Variants in RNF4 observed in about 807,000 individuals in gnomAD.
RNF4 encodes the protein ring finger protein 4, also known as E3 ubiquitin-protein ligase RNF4.
In RNF4, 7 loss-of-function variants were observed where a neutral mutation model predicts 24.3. The ratio of observed to expected loss-of-function variants is 0.29; its 90% CI spans 0.16 to 0.54. RNF4 has a LOEUF of 0.54. RNF4 is among the 20% of genes least tolerant of loss of function. The probability of loss-of-function intolerance (pLI) is 0.95; values close to 1 mark genes in which losing one functional copy is unlikely to be tolerated. For synonymous variants in RNF4, 83 were observed against 84.3 expected (o/e 0.98, Z 0.09); for missense variants, 209 against 248.5 (o/e 0.84, Z 1.07).
intron 2 of RNF4, among the ~76,000 whole-genome samples, chr4:2,495,638 T>TGGG (rs1209395869): frequency 1.5e-4 from 11 of 71,794 alleles, no homozygotes; most frequent in African/African-American, 2.8e-4. Flanking sequence ...TCTTTTTTTT[T>TGGG]TGGGGGGGGG....
At chr4:2,498,166 G>C (rs191669470) in intron 3 of RNF4, among the ~76,000 whole-genome samples, 2 of 152,210 alleles carry the variant, frequency 1.3e-5, no homozygotes, top group Non-Finnish European at 2.9e-5. Context: ...ACTTAGGGCT[G>C]CCCATTAGAG....
chr4:2,495,681 G>A (rs1014547206), intron 2 of RNF4, among the ~76,000 whole-genome samples: 1 of 151,554 alleles, frequency 6.6e-6, no homozygotes. Flanking sequence ...TGCCCAGGCT[G>A]GAGTGCAATG....
chr4:2,480,901 T>C (rs1309851020), intron 1 of RNF4: 2 of 152,154 alleles, frequency 1.3e-5, no homozygotes, highest in Non-Finnish European at 2.9e-5. Flanking sequence ...GTTTGAAGTG[T>C]TTGTTTGGAA....
chr4:2,500,166 A>C (rs1735866606), intron 3 of RNF4, among the ~76,000 whole-genome samples: 1 of 151,792 alleles, frequency 6.6e-6, no homozygotes, highest in Non-Finnish European at 1.5e-5. Context: ...CAAAAAAAAA[A>C]AAAAAAAAAA....
chr4:2,498,945 C>A (rs572657700), intron 3 of RNF4, among the ~76,000 whole-genome samples: 1 of 151,890 alleles, frequency 6.6e-6, no homozygotes, highest in East Asian at 2.0e-4. Context: ...TCCTATAATC[C>A]CAGCACTTTG....
Position 2,512,078 on chromosome 4 carries a change from G to A in RNF4, c.214+113G>A, listed in dbSNP as rs1182546251. The stretch of plus-strand genomic sequence containing the variant: ...TCCCCAAGGGCTTGGAGCGCTCCAA[G>A]CAGGAAGATGCCTTCGCAGATGCTG... On this transcript the variant is annotated intron_variant, in intron 5 of 7. Transcript: ENST00000314289. The surrounding 1 kb of genome is among the most constrained non-coding windows in gnomAD (Gnocchi z 4.1). 1.3e-5 allele frequency: 12 copies of A among 946,322 alleles called. No homozygotes were observed. Among genetic ancestry groups the A allele is most frequent in the Non-Finnish European group, 1.8e-5 (11 of 617,806 alleles). The allele number at this position is 946,322 out of a possible 1,614,324, so 58.6% of individuals were successfully genotyped here.
intron 1 of RNF4, among the ~76,000 whole-genome samples, chr4:2,479,418 A>G (rs540001957): frequency 1.3e-5 from 2 of 152,288 alleles, no homozygotes; most frequent in East Asian, 3.9e-4. Flanking sequence ...TCCCCCACCC[A>G]GATCTCATCT....
chr4:2,489,666 C>T (rs1735521971), intron 1 of RNF4: 1 of 152,306 alleles, frequency 6.6e-6, no homozygotes, highest in African/African-American at 2.4e-5. Flanking sequence ...TCTCTCAACC[C>T]TCAGGCTTGC....
rs1736296062 is a variant in RNF4 at position 2,512,472 on chromosome 4, G to A, written c.249G>A (p.Leu83=). Residue 83 remains leucine, a synonymous_variant, in exon 6 of 8, where the codon CTG becomes CTA. Transcript: ENST00000314289. This position sits in a 1 kb window ranked among gnomAD's most constrained non-coding sequence, Gnocchi z 4.1. ...GACCAAGGAGGAATGCTAGGAGGCT[G>A]CCCCAGGACCATGCTGACAGCTGTG... ...RRRPRRNARR[L]PQDHADSCVV... is the part of the protein sequence containing the mutation. 2 of 1,613,324 alleles carry A rather than the reference G, an allele frequency of 1.2e-6. No homozygotes were observed. The highest frequency in any genetic ancestry group is 2.7e-5 in the African/African-American group (2 of 74,914).
chr4:2,505,776 C>T (rs1411635677), intron 4 of RNF4: 4 of 115,762 alleles, frequency 3.5e-5, no homozygotes, highest in Non-Finnish European at 6.5e-5. Context: ...CACTGTCACT[C>T]AGGCTAGAAT....
At chr4:2,493,692 C>T (rs1578512406) in intron 2 of RNF4, among the ~76,000 whole-genome samples, 1 of 137,476 alleles carries the variant, frequency 7.3e-6, no homozygotes, top group Non-Finnish European at 1.5e-5. Flanking sequence ...TGTGGTGAGC[C>T]GAGATCATTC....
At chr4:2,504,202 T>C (rs1396049705) in intron 4 of RNF4, among the ~76,000 whole-genome samples, 1 of 152,212 alleles carries the variant, frequency 6.6e-6, no homozygotes, top group Non-Finnish European at 1.5e-5. Flanking sequence ...TTGATTAGTT[T>C]CCCTCAAAAT....
intron 2 of RNF4, chr4:2,494,893 C>T (rs1735688328): frequency 6.6e-6 from 1 of 152,150 alleles, no homozygotes; most frequent in East Asian, 1.9e-4. Context: ...TTTATTATGG[C>T]TAGCAGATAT....
intron 2 of RNF4, among the ~76,000 whole-genome samples, chr4:2,494,220 A>G (rs905565857): frequency 6.6e-6 from 1 of 152,018 alleles, no homozygotes; most frequent in Non-Finnish European, 1.5e-5. Flanking sequence ...GAAAGGGTAC[A>G]CTCACCAGTT....
intron 4 of RNF4, among the ~76,000 whole-genome samples, 176 bp downstream of exon 4, chr4:2,500,914 A>G (rs1288730315): frequency 1.3e-5 from 2 of 152,218 alleles, no homozygotes; most frequent in Non-Finnish European, 2.9e-5. Flanking sequence ...CAATAATAAT[A>G]ACAAAGAAGT....
chr4:2,513,018 C>T (rs1044989450), intron 6 of RNF4, 65 bp from the exon 7 acceptor site: 30 of 1,482,808 alleles, frequency 2.0e-5, no homozygotes, highest in Non-Finnish European at 2.5e-5. Context: ...GGGCCACTCA[C>T]GTGACAGGGT....
chr4:2,481,909 CA>C (rs1488388426), intron 1 of RNF4, among the ~76,000 whole-genome samples: 1 of 152,120 alleles, frequency 6.6e-6, no homozygotes, highest in African/African-American at 2.4e-5. Context: ...AGGATTTCCC[CA>C]TGTTGCCCAG....
chr4:2,476,127 C>T (rs1374473432), intron 1 of RNF4, among the ~76,000 whole-genome samples: 1 of 152,196 alleles, frequency 6.6e-6, no homozygotes, highest in East Asian at 1.9e-4. Flanking sequence ...TCTCCTCTCA[C>T]CAGCTAAGGG....
rs373921435 is a variant in RNF4, at chr4:2,497,161, G to A, written c.124+40G>A. ...GACACTACAACTGTGGGGTGTTAAA[G>A]TGGAGAGAGAACACTGTACCAGGGT... On this transcript the variant is annotated intron_variant, in intron 3 of 7. Coordinates refer to ENST00000314289, the MANE Select transcript of RNF4 (RefSeq NM_002938.5). 1,769 of 1,482,520 alleles carry A rather than the reference G, an allele frequency of 1.2e-3. 1 individual carries two copies. The highest frequency in any genetic ancestry group is 1.5e-3 in the Non-Finnish European group (1,606 of 1,079,600). 91.8% of individuals were successfully genotyped at this position (1,482,520 alleles called of 1,614,324 possible). A position where few individuals can be genotyped will look rare whatever the true frequency, so the allele number is the denominator to read the frequency against.
Sources: gnomAD v4.1 joint callset for allele counts (sites outside exome capture counted in the v4.1 genomes callset) on GRCh38, gnomAD v4.1.1 for gene constraint, Gnocchi (gnomAD v3.1) non-coding constraint, MANE v1.5 for transcripts, NCBI Gene and HGNC (gene_info 2026-07-23, HGNC 2026-07-21) for gene names.